Variants in TAOK1 observed in about 807,000 individuals in gnomAD.
The protein encoded by TAOK1 is serine/threonine-protein kinase TAO1.
A neutral mutation model predicts 138.3 loss-of-function variants in TAOK1; 21 were observed. The observed-to-expected ratio is 0.15, with a 90% CI of 0.11 to 0.22. TAOK1 has a LOEUF of 0.22. Among genes scored for constraint, TAOK1 ranks in the 10% least tolerant of loss-of-function variants. TAOK1 has a pLI of 1.00. For missense variants in TAOK1, 651 were observed against 1,227.7 expected (o/e 0.53, Z 7.02); for synonymous variants, 361 against 398.4 (o/e 0.91, Z 1.12).
At chr17:29,489,509 A>T (rs182117349) in intron 8 of TAOK1, among the ~76,000 whole-genome samples, 155 bp from the exon 9 acceptor site, 138 of 151,470 alleles carry the variant, frequency 9.1e-4, no homozygotes, top group East Asian at 3.3e-3. Context: ...GAAAAAAAAT[A>T]AAAAAAAAGC....
intron 2 of TAOK1, among the ~76,000 whole-genome samples, chr17:29,456,709 T>G (rs1474262997): frequency 1.3e-5 from 2 of 150,430 alleles, no homozygotes; most frequent in African/African-American, 5.0e-5. Flanking sequence ...ACCTATAATG[T>G]TCTCATATAG....
intron 13 of TAOK1, among the ~76,000 whole-genome samples, chr17:29,505,123 C>T (rs2031607316): frequency 6.6e-6 from 1 of 152,160 alleles, no homozygotes; most frequent in Non-Finnish European, 1.5e-5. Context: ...ATTTACTTCA[C>T]TTAAAATATT....
In TAOK1 at chr17:29,498,551, T is replaced by C. The variant is rs1242333953; in HGVS notation, c.1203+30T>C. 5 of 1,599,924 alleles carry C rather than the reference T, an allele frequency of 3.1e-6. No individual in the cohort carries two copies. The Admixed American group carries it at 8.3e-5, about 27-fold the overall frequency. ...GTATTTGGATTTCAATGAAAGAAAT[T>C]CAATGTTGGTAAACTGTTTTCTTCA... On this transcript the variant is annotated intron_variant, in intron 12 of 19. Transcript: ENST00000261716.
intron 12 of TAOK1, among the ~76,000 whole-genome samples, chr17:29,502,133 C>T (rs2031541724): frequency 6.6e-6 from 1 of 152,152 alleles, no homozygotes. Context: ...ATAATTTCTT[C>T]TAATTATATT....
intron 10 of TAOK1, among the ~76,000 whole-genome samples, chr17:29,493,355 G>C (rs994244772): frequency 1.3e-5 from 2 of 151,950 alleles, no homozygotes; most frequent in South Asian, 2.1e-4. Flanking sequence ...TTAGCCGGAC[G>C]TGGTGGCGCA....
In TAOK1 at chr17:29,491,831, C is replaced by T. The variant is rs1234901986; in HGVS notation, c.797C>T (p.Pro266Leu). 1.9e-6 allele frequency: 3 copies of T among 1,613,794 alleles called. No individual in the cohort carries two copies. Among genetic ancestry groups the T allele is most frequent in the Non-Finnish European group, 1.7e-6 (2 of 1,179,852 alleles). Residue 266 changes from proline (P) to leucine (L), a missense_variant, in exon 10 of 20, where the codon CCT (proline) becomes CTT (leucine). By Grantham distance (98) the Pro-to-Leu change is moderately conservative. Around this residue, in one of 8 missense-constraint regions of TAOK1, gnomAD observed 39 missense variants for 52.5 expected, o/e 0.74. Coordinates refer to ENST00000261716, the MANE Select transcript of TAOK1 (RefSeq NM_020791.4). ...GTAGATTCTTGCCTCCAGAAAATCC[C>T]TCAAGATCGACCTACATCAGAGGAA... ...NFVDSCLQKIPQDRPTSEELL... is the reference protein window; with the variant it reads ...NFVDSCLQKILQDRPTSEELL...
chr17:29,489,806 C>T, intron 9 of TAOK1, 49 bp downstream of exon 9: 2 of 1,314,764 alleles, frequency 1.5e-6, no homozygotes, highest in Non-Finnish European at 2.1e-6. Flanking sequence ...AAATGAAATG[C>T]TTTTTCATAA....
At chr17:29,434,663 G>A (rs1318526422) in intron 1 of TAOK1, among the ~76,000 whole-genome samples, 1 of 152,178 alleles carries the variant, frequency 6.6e-6, no homozygotes, top group Non-Finnish European at 1.5e-5. Flanking sequence ...TAGCTTTGGA[G>A]TTCCCTAGGC....
At chr17:29,418,275 C>T (rs1229447600) in intron 1 of TAOK1, among the ~76,000 whole-genome samples, 3 of 152,184 alleles carry the variant, frequency 2.0e-5, no homozygotes, top group African/African-American at 7.2e-5. Context: ...CCTCAGACTC[C>T]TGGGCTCAAG....
intron 1 of TAOK1, among the ~76,000 whole-genome samples, chr17:29,442,672 A>G (rs2029976644): frequency 6.6e-6 from 1 of 152,186 alleles, no homozygotes; most frequent in Non-Finnish European, 1.5e-5. Flanking sequence ...TCATCTTTCT[A>G]GTTTACTAGG....
At chr17:29,400,131 G>A (rs1904791404) in intron 1 of TAOK1, among the ~76,000 whole-genome samples, 1 of 151,986 alleles carries the variant, frequency 6.6e-6, no homozygotes. Context: ...TGGTGGCTCA[G>A]GCCTGTAATC....
chr17:29,450,140 G>A (rs1270200299), intron 1 of TAOK1, among the ~76,000 whole-genome samples: 1 of 151,554 alleles, frequency 6.6e-6, no homozygotes, highest in Admixed American at 6.6e-5. Flanking sequence ...AGGCTGGAAT[G>A]CCATGGGGTG....
rs1444331633 is a variant in TAOK1, at chr17:29,551,173, A to C, written c.*8151A>C. On this transcript the variant is annotated 3_prime_UTR_variant, in exon 20 of 20. Coordinates refer to ENST00000261716, the MANE Select transcript of TAOK1 (RefSeq NM_020791.4). Reference sequence around the variant, plus strand: ...GTATCTGTTATCCACAATGTATTTTAGTTATTCCCACAAGTCAGGGGTCCA... The same window carrying C: ...GTATCTGTTATCCACAATGTATTTTCGTTATTCCCACAAGTCAGGGGTCCA... 1 of 152,174 alleles carries C rather than the reference A, an allele frequency of 6.6e-6. No homozygotes were observed. The highest frequency in any genetic ancestry group is 2.4e-5 in the African/African-American group (1 of 41,444). 9.4% of individuals were successfully genotyped at this position (152,174 alleles called of 1,614,324 possible).
At chr17:29,521,702 C>T (rs1415304875) in intron 16 of TAOK1, among the ~76,000 whole-genome samples, 1 of 152,224 alleles carries the variant, frequency 6.6e-6, no homozygotes, top group Non-Finnish European at 1.5e-5. Context: ...CCTGCCTCAG[C>T]CTCCCGCGTA....
Position 29,542,555 on chromosome 17 carries a change from C to T in TAOK1, c.2545-6C>T, listed in dbSNP as rs1598533019. On this transcript the variant is annotated splice_region_variant and splice_polypyrimidine_tract_variant and intron_variant, in intron 19 of 19. Coordinates refer to ENST00000261716, the MANE Select transcript of TAOK1 (RefSeq NM_020791.4). ...TGGCTTTCATTTTTCTTCCAATCTC[C>T]AACAGATTGAAGAAGAGATGTTGGC... 6.4e-7 allele frequency: 1 copy of T among 1,571,786 alleles called. No homozygotes were observed. The highest frequency in any genetic ancestry group is 1.7e-4 in the Middle Eastern group (1 of 5,814).
chr17:29,489,912 C>T (rs1322096278), intron 9 of TAOK1, among the ~76,000 whole-genome samples, 155 bp downstream of exon 9: 1 of 151,928 alleles, frequency 6.6e-6, no homozygotes, highest in Non-Finnish European at 1.5e-5. Flanking sequence ...TATATTTATT[C>T]TTTATCATGT....
intron 3 of TAOK1, among the ~76,000 whole-genome samples, chr17:29,473,347 A>G (rs954208018): frequency 6.6e-6 from 1 of 152,114 alleles, no homozygotes; most frequent in African/African-American, 2.4e-5. Flanking sequence ...TACACTGAAG[A>G]TCTGTTGACT....
At chr17:29,488,020 GC>G (rs1228836238) in intron 8 of TAOK1, among the ~76,000 whole-genome samples, 1 of 152,182 alleles carries the variant, frequency 6.6e-6, no homozygotes, top group Non-Finnish European at 1.5e-5. Flanking sequence ...AAGGTGTTTA[GC>G]CTAACTCTAA....
chr17:29,475,569 G>C lies in TAOK1; in HGVS notation c.205-101G>C. On this transcript the variant is annotated intron_variant, in intron 3 of 19. Coordinates refer to ENST00000261716, the MANE Select transcript of TAOK1 (RefSeq NM_020791.4). ...TAAGTAAAACCAAGCAAAGTTGCAT[G>C]TTCTTGTTAACTCTTCTAAATTTAG... is the stretch of plus-strand genomic sequence containing the variant. The C allele has an allele frequency of 3.8e-6, 3 of 793,780 alleles. No homozygotes were observed. In the South Asian group the frequency reaches 5.6e-5, roughly 15 times the overall value. 49.2% of individuals were successfully genotyped at this position (793,780 alleles called of 1,614,324 possible).
Sources: gnomAD v4.1 joint callset for allele counts (sites outside exome capture counted in the v4.1 genomes callset) on GRCh38, gnomAD v4.1.1 for gene constraint, gnomAD v4.1.1 regional missense constraint, MANE v1.5 for transcripts, NCBI Gene and HGNC (gene_info 2026-07-23, HGNC 2026-07-21) for gene names.